Variants in ANO3 observed in about 807,000 individuals in gnomAD.
The protein encoded by ANO3 is anoctamin 3, also known as anoctamin-3.
In ANO3, 99 loss-of-function variants were observed where a neutral mutation model predicts 144.8. The observed-to-expected ratio is 0.68, with a 90% CI of 0.58 to 0.81. The LOEUF (loss-of-function observed/expected upper bound fraction) is 0.81, where lower values mean the gene tolerates loss of function less well. Among genes scored for constraint, ANO3 ranks in the 30% least tolerant of loss-of-function variants. ANO3 has a pLI of 0.00. For synonymous variants in ANO3, 414 were observed against 392.6 expected (o/e 1.05, Z -0.64); for missense variants, 905 against 1,202.2 (o/e 0.75, Z 3.66).
At chr11:26,451,294 C>T (rs958442340) in intron 3 of ANO3, among the ~76,000 whole-genome samples, 14 of 152,168 alleles carry the variant, frequency 9.2e-5, no homozygotes, top group Admixed American at 6.5e-4. Flanking sequence ...TTGCCTCACT[C>T]GGGAAGCGCA....
chr11:26,439,477 T>C (rs1189735703), intron 1 of ANO3, among the ~76,000 whole-genome samples: 2 of 152,156 alleles, frequency 1.3e-5, no homozygotes, highest in Non-Finnish European at 1.5e-5. Flanking sequence ...GAAATGGGGA[T>C]CGGCTGCGAA....
chr11:26,595,542 A>C (rs1334169185), intron 14 of ANO3, among the ~76,000 whole-genome samples: 2 of 138,564 alleles, frequency 1.4e-5, no homozygotes, highest in Non-Finnish European at 3.0e-5. Context: ...ACGTTTGAGC[A>C]GACCAATTAT....
chr11:26,444,163 T>C (rs1590363973), intron 3 of ANO3, among the ~76,000 whole-genome samples: 1 of 152,206 alleles, frequency 6.6e-6, no homozygotes. Flanking sequence ...AGAATGTTAG[T>C]AACACTCAGA....
intron 1 of ANO3, among the ~76,000 whole-genome samples, chr11:26,288,583 A>G (rs1564950020): frequency 6.6e-6 from 1 of 152,050 alleles, no homozygotes; most frequent in Non-Finnish European, 1.5e-5. Context: ...AAATAGGTAT[A>G]CTTCCGGTGG....
chr11:26,376,170 C>T (rs1054178203), intron 1 of ANO3, among the ~76,000 whole-genome samples: 2 of 151,994 alleles, frequency 1.3e-5, no homozygotes, highest in African/African-American at 4.8e-5. Flanking sequence ...AATCATTGTA[C>T]GTGGGTGAAA....
intron 1 of ANO3, among the ~76,000 whole-genome samples, chr11:26,332,584 C>G (rs563557098): frequency 6.6e-6 from 1 of 151,588 alleles, no homozygotes; most frequent in African/African-American, 2.4e-5. Context: ...AAGACTGTTT[C>G]AATGCACTGC....
chr11:26,236,579 G>A (rs1447751586), intron 1 of ANO3, among the ~76,000 whole-genome samples: 6 of 152,136 alleles, frequency 3.9e-5, no homozygotes, highest in Non-Finnish European at 8.8e-5. Flanking sequence ...AGCACTTTGG[G>A]AGGCCAAGGT....
chr11:26,508,905 A>G (rs1289769031), intron 5 of ANO3: 1 of 151,942 alleles, frequency 6.6e-6, no homozygotes, highest in Non-Finnish European at 1.5e-5. Context: ...GTACAAAATA[A>G]AAAGCCAAAG....
intron 20 of ANO3, among the ~76,000 whole-genome samples, chr11:26,637,985 G>T (rs374508200): frequency 4.6e-5 from 7 of 152,092 alleles, no homozygotes; most frequent in Non-Finnish European, 8.8e-5. Flanking sequence ...TTGAAATCAC[G>T]TTTTTGTTTG....
At chr11:26,202,398 A>G (rs915779279) in intron 1 of ANO3, among the ~76,000 whole-genome samples, 1 of 149,124 alleles carries the variant, frequency 6.7e-6, no homozygotes, top group African/African-American at 2.4e-5. Flanking sequence ...AGAATCCTAC[A>G]TGATGGATCT....
chr11:26,650,450 G>A (rs1853495159), intron 24 of ANO3, among the ~76,000 whole-genome samples: 1 of 94,490 alleles, frequency 1.1e-5, no homozygotes. Context: ...GGTCCATGAA[G>A]TCGATGCGAT....
chr11:26,496,382 T>G (rs948501909), intron 4 of ANO3, among the ~76,000 whole-genome samples: 2 of 152,160 alleles, frequency 1.3e-5, no homozygotes, highest in African/African-American at 4.8e-5. Flanking sequence ...AAAAAAGTGC[T>G]AATAAAAAGT....
chr11:26,652,024 CG>C (rs2133085484), intron 24 of ANO3, among the ~76,000 whole-genome samples: 1 of 152,254 alleles, frequency 6.6e-6, no homozygotes, highest in African/African-American at 2.4e-5. Flanking sequence ...GCCCAATCAC[CG>C]TAACCACTTC....
intron 17 of ANO3, among the ~76,000 whole-genome samples, chr11:26,619,767 A>C (rs1363388848): frequency 6.6e-6 from 1 of 152,144 alleles, no homozygotes; most frequent in African/African-American, 2.4e-5. Context: ...GCGCCCGGCC[A>C]AAAAACTACA....
At chr11:26,212,426 G>T (rs1851953124) in intron 1 of ANO3, among the ~76,000 whole-genome samples, 1 of 150,684 alleles carries the variant, frequency 6.6e-6, no homozygotes, top group Admixed American at 6.6e-5. Context: ...GAATTGAATA[G>T]ATACAATAAA....
chr11:26,376,429 A>G (rs898937953), intron 1 of ANO3, among the ~76,000 whole-genome samples: 27 of 152,132 alleles, frequency 1.8e-4, no homozygotes, highest in Admixed American at 5.9e-4. Flanking sequence ...TTTCCATTCA[A>G]ACACCTCTTA....
chr11:26,303,509 A>G (rs910934574), intron 1 of ANO3, among the ~76,000 whole-genome samples: 1 of 152,150 alleles, frequency 6.6e-6, no homozygotes, highest in Non-Finnish European at 1.5e-5. Flanking sequence ...ACATATGGAC[A>G]CAAAGATGGA....
intron 1 of ANO3, among the ~76,000 whole-genome samples, chr11:26,337,106 C>T (rs950708667): frequency 6.6e-6 from 1 of 152,094 alleles, no homozygotes; most frequent in Non-Finnish European, 1.5e-5. Context: ...CATTAACAAT[C>T]CCCCAGTAAG....
intron 1 of ANO3, among the ~76,000 whole-genome samples, chr11:26,380,320 T>C (rs1856555809): frequency 6.6e-6 from 1 of 152,366 alleles, no homozygotes; most frequent in African/African-American, 2.4e-5. Context: ...GTCATTTCTT[T>C]GCCAGTTTTA....
Sources: allele counts gnomAD v4.1 joint callset (sites outside exome capture counted in the v4.1 genomes callset), GRCh38; gene constraint gnomAD v4.1.1; transcripts MANE v1.5; gene names NCBI Gene and HGNC (gene_info 2026-07-23, HGNC 2026-07-21).